The following RBFOX2 variants were observed in gnomAD, a reference collection of about 807,000 sequenced individuals.
The protein encoded by RBFOX2 is RNA binding fox-1 homolog 2.
RBFOX2 carries 10 observed loss-of-function variants against 49.1 expected under a neutral mutation model. The observed-to-expected ratio is 0.20, with a 90% CI of 0.13 to 0.35. RBFOX2 has a LOEUF of 0.35. Among genes scored for constraint, RBFOX2 ranks in the 10% least tolerant of loss-of-function variants. RBFOX2 has a pLI of 1.00. For missense variants in RBFOX2, 323 were observed against 486.9 expected (o/e 0.66, Z 3.17); for synonymous variants, 183 against 187.4 (o/e 0.98, Z 0.19).
intron 1 of RBFOX2, among the ~76,000 whole-genome samples, chr22:36,026,543 C>CAG (rs546432928): frequency 0.042 from 5,873 of 138,588 alleles, 330 homozygotes; most frequent in African/African-American, 0.13. Flanking sequence ...TGAATACATA[C>CAG]ACACACACAC....
intron 1 of RBFOX2, among the ~76,000 whole-genome samples, chr22:35,895,169 C>T (rs919166394): frequency 5.3e-5 from 8 of 151,908 alleles, no homozygotes; most frequent in African/African-American, 1.9e-4. Context: ...TCTGTATTTG[C>T]CTTCAGGGAA....
At chr22:35,855,038 T>C (rs1477033669) in intron 1 of RBFOX2, among the ~76,000 whole-genome samples, 1 of 152,200 alleles carries the variant, frequency 6.6e-6, no homozygotes, top group African/African-American at 2.4e-5. Flanking sequence ...CTCAACATCA[T>C]TCTTTCAGTA....
chr22:35,859,066 G>C (rs2149065672), intron 1 of RBFOX2, among the ~76,000 whole-genome samples: 1 of 152,082 alleles, frequency 6.6e-6, no homozygotes, highest in East Asian at 1.9e-4. Context: ...GAAAATACAG[G>C]GGAGAAAAAG....
upstream of RBFOX2, among the ~76,000 whole-genome samples, chr22:35,841,625 G>A (rs554104640): frequency 5.3e-5 from 8 of 152,180 alleles, no homozygotes; most frequent in Admixed American, 3.3e-4. Context: ...AAGGATTTAT[G>A]AGATATTTTA....
chr22:35,980,559 AT>A (rs770274987), intron 1 of RBFOX2, among the ~76,000 whole-genome samples: 60 of 148,914 alleles, frequency 4.0e-4, no homozygotes, highest in Non-Finnish European at 7.2e-4. Flanking sequence ...AGCCAAATTT[AT>A]CCCCAAAGTA....
chr22:35,864,441 C>T (rs2043443619), intron 1 of RBFOX2, among the ~76,000 whole-genome samples: 1 of 152,124 alleles, frequency 6.6e-6, no homozygotes, highest in South Asian at 2.1e-4. Flanking sequence ...ACAACCACCA[C>T]CCAATAACTA....
intron 2 of RBFOX2, among the ~76,000 whole-genome samples, chr22:35,809,359 T>C (rs1184388896): frequency 2.0e-5 from 3 of 152,150 alleles, no homozygotes; most frequent in African/African-American, 4.8e-5. Flanking sequence ...TTTAGAGTTA[T>C]GGTTGTCAAG....
chr22:35,963,508 G>A (rs2056379794), upstream of RBFOX2, among the ~76,000 whole-genome samples: 1 of 152,028 alleles, frequency 6.6e-6, no homozygotes, highest in Non-Finnish European at 1.5e-5. Flanking sequence ...TCTACAAGAG[G>A]GAGACTAAAG....
chr22:35,746,432 C>G, intron 10 of RBFOX2, 41 bp downstream of exon 12: 1 of 1,458,078 alleles, frequency 6.9e-7, no homozygotes, highest in South Asian at 1.3e-5. Context: ...GATGGAACAG[C>G]TCTCATGCAT....
chr22:35,981,890 G>A (rs982006836), intron 1 of RBFOX2, among the ~76,000 whole-genome samples: 5 of 152,044 alleles, frequency 3.3e-5, no homozygotes, highest in Admixed American at 2.0e-4. Flanking sequence ...ACCCTGTAAC[G>A]CACAACACAT....
intron 1 of RBFOX2, among the ~76,000 whole-genome samples, chr22:36,016,629 G>C (rs938272822): frequency 3.3e-5 from 5 of 152,200 alleles, no homozygotes; most frequent in African/African-American, 1.2e-4. Context: ...GGTGTTACCT[G>C]GGGACCTAAG....
intron 4 of RBFOX2, among the ~76,000 whole-genome samples, chr22:35,770,123 A>G (rs1398531866): frequency 6.6e-6 from 1 of 152,000 alleles, no homozygotes; most frequent in Non-Finnish European, 1.5e-5. Context: ...GGGCACATTA[A>G]TAATTAGTTA....
chr22:35,982,867 T>C (rs1013186731), intron 1 of RBFOX2, among the ~76,000 whole-genome samples: 1 of 151,808 alleles, frequency 6.6e-6, no homozygotes, highest in African/African-American at 2.4e-5. Flanking sequence ...CAAGAGAGTG[T>C]GGCCTACAAA....
Position 35,985,902 on chromosome 22 carries a change from G to GGATGGATA in RBFOX2, c.186+42337_186+42338insTATCCATC, listed in dbSNP as rs1284932502. ...TCTCTAGATAGATAGATAGATAGAT[G>GGATGGATA]GATAGATAGATAGATAGATAGATAG... On this transcript the variant is annotated intron_variant, in intron 1 of 13. Transcript: ENST00000438146. 3.6e-3 allele frequency among the ~76,000 whole-genome samples: 513 copies of GGATGGATA among 144,058 alleles called. 5 individuals carry two copies. The highest frequency in any genetic ancestry group is 0.023 in the Admixed American group (327 of 14,312). 94.5% of individuals were successfully genotyped at this position (144,058 alleles called of 152,430 possible).
chr22:35,875,342 T>C (rs939811458), intron 1 of RBFOX2, among the ~76,000 whole-genome samples: 7 of 152,082 alleles, frequency 4.6e-5, no homozygotes, highest in Non-Finnish European at 8.8e-5. Flanking sequence ...TGTTTAATGG[T>C]GATTTGTACT....
chr22:35,988,315 C>T (rs925529711), intron 1 of RBFOX2, among the ~76,000 whole-genome samples: 2 of 152,068 alleles, frequency 1.3e-5, no homozygotes, highest in Admixed American at 6.6e-5. Context: ...CTATAAATCA[C>T]GTACTGTGCT....
chr22:35,767,795 C>T (rs1569003012), intron 5 of RBFOX2, among the ~76,000 whole-genome samples: 1 of 152,108 alleles, frequency 6.6e-6, no homozygotes, highest in African/African-American at 2.4e-5. Flanking sequence ...CACAAAGAGG[C>T]GAACTGGCCT....
At chr22:36,020,792 T>C (rs1450817550) in intron 1 of RBFOX2, among the ~76,000 whole-genome samples, 1 of 152,210 alleles carries the variant, frequency 6.6e-6, no homozygotes, top group Non-Finnish European at 1.5e-5. Flanking sequence ...TTTTACACTG[T>C]TGGTGGGACT....
At chr22:35,769,172 T>A (rs1423341522) in intron 4 of RBFOX2, among the ~76,000 whole-genome samples, 1 of 152,168 alleles carries the variant, frequency 6.6e-6, no homozygotes, top group Non-Finnish European at 1.5e-5. Flanking sequence ...TTAAAGGTAG[T>A]AGTAACTTTC....
Sources: allele counts gnomAD v4.1 joint callset (sites outside exome capture counted in the v4.1 genomes callset), GRCh38; gene constraint gnomAD v4.1.1; transcripts MANE v1.5; gene names NCBI Gene and HGNC (gene_info 2026-07-23, HGNC 2026-07-21).